The following CDK5RAP2 variants were observed in gnomAD, a reference collection of about 807,000 sequenced individuals.
CDK5RAP2 encodes the protein CDK5 regulatory subunit associated protein 2.
A neutral mutation model predicts 232.9 loss-of-function variants in CDK5RAP2; 147 were observed. The ratio of observed to expected loss-of-function variants is 0.63; its 90% CI spans 0.55 to 0.72. The LOEUF (loss-of-function observed/expected upper bound fraction) is 0.72, where lower values mean the gene tolerates loss of function less well. Among genes scored for constraint, CDK5RAP2 ranks in the 30% least tolerant of loss-of-function variants. The pLI, the probability that CDK5RAP2 is intolerant of heterozygous loss-of-function variation, is 0.00. For missense variants in CDK5RAP2, 2,195 were observed against 2,231.5 expected, an observed-to-expected ratio of 0.98 and a Z score of 0.33; for synonymous variants, 833 against 833.7, an observed-to-expected ratio of 1.00 and a Z score of 0.01.
At chr9:120,551,285 T>C (rs962640302) in intron 3 of CDK5RAP2, among the ~76,000 whole-genome samples, 6 of 152,200 alleles carry the variant, frequency 3.9e-5, no homozygotes, top group African/African-American at 1.4e-4. Context: ...CAGTAATGAT[T>C]GATTAAGGTA....
intron 11 of CDK5RAP2, among the ~76,000 whole-genome samples, chr9:120,521,430 G>A (rs1260560922): frequency 6.6e-6 from 1 of 152,100 alleles, no homozygotes; most frequent in Non-Finnish European, 1.5e-5. Context: ...CCGGGTGGGA[G>A]GTAACTGAAT....
chr9:120,486,423 A>C (rs1367552097), intron 14 of CDK5RAP2, among the ~76,000 whole-genome samples: 2 of 151,106 alleles, frequency 1.3e-5, no homozygotes, highest in Non-Finnish European at 2.9e-5. Flanking sequence ...AAAAAAAAAA[A>C]AAAAAAACCT....
At chr9:120,414,788 A>G (rs1463081623) in intron 28 of CDK5RAP2, among the ~76,000 whole-genome samples, 4 of 152,228 alleles carry the variant, frequency 2.6e-5, no homozygotes, top group Admixed American at 2.6e-4. Context: ...ATATTTTTAT[A>G]ATCCATTATA....
At position 120,490,096 on chromosome 9, in the gene CDK5RAP2, C is replaced by G. The variant is rs73660262; in HGVS notation, c.1482+1211G>C. ...TGCTGGAATTTCAGGCGTGAGCCACCACGCCAGGCCATCTTTCCTCCTAAA... is the reference window on the plus strand; with the variant it reads ...TGCTGGAATTTCAGGCGTGAGCCACGACGCCAGGCCATCTTTCCTCCTAAA... On this transcript the variant is annotated intron_variant, in intron 13 of 37. Transcript: ENST00000349780. Among the ~76,000 whole-genome samples, 842 of 152,322 alleles carry G rather than the reference C, an allele frequency of 5.5e-3. 5 individuals carry two copies. Among genetic ancestry groups the G allele is most frequent in the African/African-American group, 0.019 (795 of 41,574 alleles).
chr9:120,411,315 G>T (rs1217029857), intron 29 of CDK5RAP2, 43 bp downstream of exon 29: 1 of 1,162,900 alleles, frequency 8.6e-7, no homozygotes, highest in Admixed American at 1.7e-5. Flanking sequence ...TGACACAGAA[G>T]GCTTTGGCGT....
chr9:120,413,858 G>A (rs1321332301), intron 28 of CDK5RAP2, among the ~76,000 whole-genome samples: 1 of 151,076 alleles, frequency 6.6e-6, no homozygotes, highest in Non-Finnish European at 1.5e-5. Flanking sequence ...AGGAGGGAGG[G>A]AGAGGGCGAG....
At chr9:120,561,881 C>T (rs1316370650) in intron 3 of CDK5RAP2, among the ~76,000 whole-genome samples, 1 of 152,182 alleles carries the variant, frequency 6.6e-6, no homozygotes, top group Non-Finnish European at 1.5e-5. Context: ...CTGCTGTGCA[C>T]TGATAGACTC....
In CDK5RAP2 at chr9:120,402,962, G is replaced by A; in HGVS notation, c.5151C>T (p.His1717=). 1 of 1,614,186 alleles carries A rather than the reference G, an allele frequency of 6.2e-7. No homozygotes were observed. Among genetic ancestry groups the A allele is most frequent in the Non-Finnish European group, 8.5e-7 (1 of 1,180,018 alleles). ...GGCGGCCATTCTTGCTGGCCCACAG[G>A]TGGTGGCCAGTGACCAGGCGGGACA... ...PCVSRLVTGH[H]LWASKNGRHV... Residue 1717 remains histidine (H), a synonymous_variant, in exon 34 of 38, where the codon CAC becomes CAT. Transcript: ENST00000349780.
At chr9:120,410,583 A>T (rs965913899) in intron 29 of CDK5RAP2, among the ~76,000 whole-genome samples, 1 of 152,078 alleles carries the variant, frequency 6.6e-6, no homozygotes, top group Admixed American at 6.5e-5. Flanking sequence ...ATGAAATCTC[A>T]TCCGTTTCTG....
chr9:120,490,305 C>T (rs2038836352), intron 13 of CDK5RAP2, among the ~76,000 whole-genome samples: 1 of 152,212 alleles, frequency 6.6e-6, no homozygotes, highest in Admixed American at 6.5e-5. Flanking sequence ...TGTTTCTCCT[C>T]TCTGAGGCAT....
chr9:120,436,764 C>T (rs1015521175), intron 25 of CDK5RAP2, among the ~76,000 whole-genome samples: 2 of 151,882 alleles, frequency 1.3e-5, no homozygotes, highest in Admixed American at 6.6e-5. Context: ...TTGCTGTAGT[C>T]TCAAAAAAAA....
intron 25 of CDK5RAP2, among the ~76,000 whole-genome samples, chr9:120,428,998 G>C (rs529267597): frequency 5.4e-4 from 82 of 151,902 alleles, no homozygotes; most frequent in African/African-American, 1.9e-3. Context: ...CAGAACCAAA[G>C]ACAAAAACCA....
At position 120,403,990 on chromosome 9, in the gene CDK5RAP2, T is replaced by A; in HGVS notation, c.5041+46A>T. ...TTTTCTGCAAGTTAAAAAGTCTTAC[T>A]GTCACATCCAATGCTCCCACAGTTA... is the stretch of plus-strand genomic sequence containing the variant. On this transcript the variant is annotated intron_variant, in intron 33 of 37. Coordinates refer to ENST00000349780, the MANE Select transcript of CDK5RAP2 (RefSeq NM_018249.6). This position sits in a 1 kb window ranked among gnomAD's most constrained non-coding sequence, Gnocchi z 4.2. The A allele has an allele frequency of 7.7e-7, 1 of 1,297,430 alleles. No homozygotes were observed. Among genetic ancestry groups the A allele is most frequent in the Non-Finnish European group, 1.1e-6 (1 of 891,088 alleles). The allele number at this position is 1,297,430 out of a possible 1,614,324, so 80.4% of individuals were successfully genotyped here.
intron 3 of CDK5RAP2, among the ~76,000 whole-genome samples, chr9:120,562,108 C>G (rs1465405079): frequency 6.6e-6 from 1 of 152,192 alleles, no homozygotes; most frequent in African/African-American, 2.4e-5. Flanking sequence ...CAGTTTTTCA[C>G]AATTATACAC....
chr9:120,549,873 G>A (rs1315457200), intron 4 of CDK5RAP2, among the ~76,000 whole-genome samples: 1 of 152,204 alleles, frequency 6.6e-6, no homozygotes, highest in Admixed American at 6.5e-5. Flanking sequence ...TTTCATAAGG[G>A]ACAAAGAAGC....
chr9:120,521,698 T>G (rs1588558020), intron 11 of CDK5RAP2, among the ~76,000 whole-genome samples: 1 of 147,016 alleles, frequency 6.8e-6, no homozygotes, highest in Non-Finnish European at 1.5e-5. Flanking sequence ...CAGGCTGGAG[T>G]GCAGTGGCGC....
At chr9:120,483,522 C>G (rs976320322) in intron 14 of CDK5RAP2, among the ~76,000 whole-genome samples, 2 of 152,254 alleles carry the variant, frequency 1.3e-5, no homozygotes, top group Non-Finnish European at 2.9e-5. Context: ...AGCCTCAAGT[C>G]TGCTCCCAGT....
At chr9:120,569,251 C>G (rs752699891) in intron 2 of CDK5RAP2, among the ~76,000 whole-genome samples, 1 of 152,210 alleles carries the variant, frequency 6.6e-6, no homozygotes, top group Non-Finnish European at 1.5e-5. Flanking sequence ...AATCCACTTT[C>G]TGCTAGGCCC....
chr9:120,453,613 TC>T lies in CDK5RAP2; in HGVS notation c.2635del (p.Glu879ArgfsTer5). The part of the protein sequence containing the change: ...KDASVQTVAT[E>X]GDLLRFKHEA... ...ATGCTTGAATCTCAGCAGGTCGCCC[TC>T]CGTGGCCACAGTCTGCACTGAGGCA... is the stretch of plus-strand genomic sequence containing the variant. On this transcript the variant is annotated frameshift_variant, in exon 21 of 38. Coordinates refer to ENST00000349780, the MANE Select transcript of CDK5RAP2 (RefSeq NM_018249.6). LOFTEE classifies it high-confidence loss of function. 1 of 1,614,162 alleles carries T rather than the reference TC, an allele frequency of 6.2e-7. No homozygotes were observed. Among genetic ancestry groups the T allele is most frequent in the Non-Finnish European group, 8.5e-7 (1 of 1,180,040 alleles).
Sources: allele counts gnomAD v4.1 joint callset (sites outside exome capture counted in the v4.1 genomes callset), GRCh38; gene constraint gnomAD v4.1.1; non-coding constraint Gnocchi (gnomAD v3.1); transcripts MANE v1.5; gene names NCBI Gene and HGNC (gene_info 2026-07-23, HGNC 2026-07-21).